The following WTIP variants were observed in gnomAD, a reference collection of about 807,000 sequenced individuals.
WTIP encodes the protein WT1 interacting protein, also known as Wilms tumor protein 1-interacting protein.
WTIP carries 23 observed loss-of-function variants against 41.7 expected under a neutral mutation model. That is an observed-to-expected ratio of 0.55 (90% CI 0.40 to 0.78). WTIP has a LOEUF of 0.78. Among genes scored for constraint, WTIP ranks in the 30% least tolerant of loss-of-function variants. The pLI, the probability that WTIP is intolerant of heterozygous loss-of-function variation, is 0.00. For synonymous variants in WTIP, 314 were observed against 269.9 expected (o/e 1.16, Z -1.60); for missense variants, 619 against 610.5 (o/e 1.01, Z -0.15).
intron 1 of WTIP, among the ~76,000 whole-genome samples, chr19:34,483,030 G>A (rs2075778093): frequency 7.2e-6 from 1 of 138,266 alleles, no homozygotes; most frequent in Middle Eastern, 4.0e-3. Flanking sequence ...TTTGAGACAG[G>A]GTCTTCCTCT....
Position 34,482,008 on chromosome 19 carries a change from G to A in WTIP, c.34G>A (p.Ala12Thr). The A allele has an allele frequency of 9.8e-7, 1 of 1,020,120 alleles. No individual in the cohort carries two copies. Among genetic ancestry groups the A allele is most frequent in the South Asian group, 4.4e-5 (1 of 22,490 alleles). 63.2% of individuals were successfully genotyped at this position (1,020,120 alleles called of 1,614,324 possible). The change falls in exon 1 of 8, where the codon GCC (alanine) becomes ACC (threonine). Residue 12 changes from alanine to threonine, a missense_variant. Ala to Thr is a moderately conservative substitution (Grantham distance 58). This residue lies in a region of WTIP where 363 missense variants were observed against 309.0 expected (regional missense o/e 1.17). Coordinates refer to ENST00000590071, the MANE Select transcript of WTIP (RefSeq NM_001080436.2). The stretch of plus-strand genomic sequence containing the variant: ...CTCCAGGGCGGGCGCGGACGAGGCG[G>A]CCCTACTCCTGGCCGGGCTGGCCCT... ...QRSRAGADEAALLLAGLALRE... is the reference protein window; with the variant it reads ...QRSRAGADEATLLLAGLALRE...
chr19:34,499,381 G>A (rs906146871), intron 7 of WTIP, among the ~76,000 whole-genome samples: 2 of 151,748 alleles, frequency 1.3e-5, no homozygotes, highest in African/African-American at 2.4e-5. Flanking sequence ...GGCAGGGTGC[G>A]CCAGTGGTCC....
In WTIP at chr19:34,500,647, CCCTCCCCCCCGACCCCGA is replaced by C. The variant is rs1325921829; in HGVS notation, c.*383_*400del. 5.3e-6 allele frequency: 1 copy of C among 189,392 alleles called. No homozygotes were observed. The highest frequency in any genetic ancestry group is 1.3e-4 in the East Asian group (1 of 7,728). The allele number at this position is 189,392 out of a possible 1,614,324, so 11.7% of individuals were successfully genotyped here. On this transcript the variant is annotated 3_prime_UTR_variant, in exon 8 of 8. Transcript: ENST00000590071. ...CTGTTGTTCAGGGGCCTGGCCCCCG[CCCTCCCCCCCGACCCCGA>C]CCTCGCAAAGCGCACTCCCGGGCAG...
Position 34,481,835 on chromosome 19 carries a change from C to T in WTIP, c.-140C>T, listed in dbSNP as rs2075767350. 6.6e-6 allele frequency: 2 copies of T among 304,430 alleles called. No homozygotes were observed. Among genetic ancestry groups the T allele is most frequent in the South Asian group, 1.2e-4 (1 of 8,162 alleles). 18.9% of individuals were successfully genotyped at this position (304,430 alleles called of 1,614,324 possible). On this transcript the variant is annotated 5_prime_UTR_variant, in exon 1 of 8. Coordinates refer to ENST00000590071, the MANE Select transcript of WTIP (RefSeq NM_001080436.2). ...GCGTGGCCGCCGGAACGACCCCGGC[C>T]CGGCGCCGGCCCCGCCCCGCCCCGC...
Position 34,500,433 on chromosome 19 carries a change from G to A in WTIP, c.*164G>A, listed in dbSNP as rs1287196714. On this transcript the variant is annotated 3_prime_UTR_variant, in exon 8 of 8. Coordinates refer to ENST00000590071, the MANE Select transcript of WTIP (RefSeq NM_001080436.2). The stretch of plus-strand genomic sequence containing the variant: ...GCGTGGAAGCTTCTATTTATTCACC[G>A]TCTGTGCCTGCTCAAGTCACTTCCC... 9.8e-7 allele frequency: 1 copy of A among 1,016,220 alleles called. No homozygotes were observed. Among genetic ancestry groups the A allele is most frequent in the Non-Finnish European group, 1.4e-6 (1 of 731,276 alleles). The allele number at this position is 1,016,220 out of a possible 1,614,324, so 63.0% of individuals were successfully genotyped here. A position where few individuals can be genotyped will look rare whatever the true frequency, so the allele number is the denominator to read the frequency against.
At chr19:34,484,075 C>T (rs955030963) in intron 1 of WTIP, among the ~76,000 whole-genome samples, 1 of 151,888 alleles carries the variant, frequency 6.6e-6, no homozygotes, top group African/African-American at 2.4e-5. Flanking sequence ...TACAGGCATG[C>T]GCCACCACGC....
intron 1 of WTIP, among the ~76,000 whole-genome samples, chr19:34,487,595 A>G (rs1470990631): frequency 6.6e-6 from 1 of 152,202 alleles, no homozygotes; most frequent in Non-Finnish European, 1.5e-5. Flanking sequence ...ATCAGAATGG[A>G]AAGTCCATAG....
chr19:34,493,617 T>C lies in WTIP; in HGVS notation c.1026T>C (p.Tyr342=), dbSNP rs754621168. The C allele has an allele frequency of 6.2e-7, 1 of 1,613,234 alleles. No homozygotes were observed. Among genetic ancestry groups the C allele is most frequent in the Non-Finnish European group, 8.5e-7 (1 of 1,179,892 alleles). The change falls in exon 5 of 8, where the codon TAT becomes TAC. Residue 342 remains tyrosine, a synonymous_variant. Transcript: ENST00000590071. The surrounding 1 kb of genome is among the most constrained non-coding windows in gnomAD (Gnocchi z 4.1). ...ACAACATCTACTGCGTGCGAGACTATCACACGTGAGTTGCTGGTGCTGTGG... is the reference window on the plus strand; with the variant it reads ...ACAACATCTACTGCGTGCGAGACTACCACACGTGAGTTGCTGGTGCTGTGG... ...VENNIYCVRD[Y]HTVFAPKCAS...
chr19:34,483,424 A>G (rs1003200058), intron 1 of WTIP, among the ~76,000 whole-genome samples: 1 of 152,014 alleles, frequency 6.6e-6, no homozygotes, highest in African/African-American at 2.4e-5. Flanking sequence ...CCGCCACGGT[A>G]TGGGTGTGGA....
At chr19:34,489,212 A>AAAAAG (rs1317094411) in intron 1 of WTIP, among the ~76,000 whole-genome samples, 1 of 150,852 alleles carries the variant, frequency 6.6e-6, no homozygotes, top group African/African-American at 2.4e-5. Flanking sequence ...AAAAAAAAAA[A>AAAAAG]AAAAAAAAAT....
rs1355073188 is a variant in WTIP at position 34,503,075 on chromosome 19, A to G, written c.*2806A>G. 3 of 153,122 alleles carry G rather than the reference A, an allele frequency of 2.0e-5. No homozygotes were observed. The highest frequency in any genetic ancestry group is 7.2e-5 in the African/African-American group (3 of 41,466). The allele number at this position is 153,122 out of a possible 1,614,324, so 9.5% of individuals were successfully genotyped here. On this transcript the variant is annotated 3_prime_UTR_variant, in exon 8 of 8. Coordinates refer to ENST00000590071, the MANE Select transcript of WTIP (RefSeq NM_001080436.2). ...CCCGGTCACCATGCACGCTCCTGCC[A>G]GCTGGCCTGAGTCATCACAGCTTGG...
Position 34,483,183 on chromosome 19 carries a change from CTTTTT to C in WTIP, c.667+559_667+563del, listed in dbSNP as rs10611262. On this transcript the variant is annotated intron_variant, in intron 1 of 7. Transcript: ENST00000590071. ...CCATGCCCAGCTTTTCTTCTTCTTA[CTTTTT>C]TTTTTTTTTTTTTTTTGTAGAGACA... is the stretch of plus-strand genomic sequence containing the variant. 8.8e-5 allele frequency among the ~76,000 whole-genome samples: 9 copies of C among 102,588 alleles called. No homozygotes were observed. In the South Asian group the frequency reaches 1.3e-3, roughly 14 times the overall value. 67.3% of individuals were successfully genotyped at this position (102,588 alleles called of 152,430 possible).
At position 34,495,706 on chromosome 19, in the gene WTIP, T is replaced by C. The variant is rs571681317; in HGVS notation, c.1087T>C (p.Cys363Arg). 1 of 1,613,880 alleles carries C rather than the reference T, an allele frequency of 6.2e-7. No homozygotes were observed. The highest frequency in any genetic ancestry group is 1.3e-5 in the African/African-American group (1 of 75,056). Residue 363 changes from cysteine to arginine, a missense_variant, in exon 7 of 8, where the codon TGC becomes CGC. Cys to Arg is a radical substitution (Grantham distance 180, BLOSUM62 -3). This residue lies in a region of WTIP where 164 missense variants were observed against 219.1 expected (regional missense o/e 0.75). Transcript: ENST00000590071. ...TGAACTCCTTCTCTTCCTCCAGGGC[T>C]GCGAGACAACCATCCGTGTGGTGTC... ...CARPILPAQG[C>R]ETTIRVVSMD...
At chr19:34,497,274 C>T (rs2075859867) in intron 7 of WTIP, among the ~76,000 whole-genome samples, 1 of 152,190 alleles carries the variant, frequency 6.6e-6, no homozygotes, top group Admixed American at 6.5e-5. Context: ...TCCAGGCAGT[C>T]AGTCGGGTGT....
In WTIP at chr19:34,482,538, C is replaced by A; in HGVS notation, c.564C>A (p.Pro188=). 1 of 1,228,156 alleles carries A rather than the reference C, an allele frequency of 8.1e-7. No homozygotes were observed. 76.1% of individuals were successfully genotyped at this position (1,228,156 alleles called of 1,614,324 possible). Residue 188 remains proline, a synonymous_variant, in exon 1 of 8, where the codon CCC becomes CCA. Coordinates refer to ENST00000590071, the MANE Select transcript of WTIP (RefSeq NM_001080436.2). Reference sequence around the variant, plus strand: ...TCCCGCTGCCTGCACTCCCGCTGCCCCCTGGCCGGGAGGGCGGCCCAAGCG... The same window carrying A: ...TCCCGCTGCCTGCACTCCCGCTGCCACCTGGCCGGGAGGGCGGCCCAAGCG... ...APFPLPALPL[P]PGREGGPSAA...
rs2145621182 is a variant in WTIP at position 34,510,065 on chromosome 19, T to A, written c.*9796T>A. 1 of 152,384 alleles carries A rather than the reference T, an allele frequency of 6.6e-6. No homozygotes were observed. The highest frequency in any genetic ancestry group is 2.4e-5 in the African/African-American group (1 of 41,582). 9.4% of individuals were successfully genotyped at this position (152,384 alleles called of 1,614,324 possible). A position where few individuals can be genotyped will look rare whatever the true frequency, so the allele number is the denominator to read the frequency against. ...ACCTTGTACAAGCTGTCAGTGTATC[T>A]ACCATTCTGATGTTTGGAGGATGGT... On this transcript the variant is annotated 3_prime_UTR_variant, in exon 8 of 8. Coordinates refer to ENST00000590071, the MANE Select transcript of WTIP (RefSeq NM_001080436.2).
In WTIP at chr19:34,505,451, G is replaced by A. The variant is rs1450170072; in HGVS notation, c.*5182G>A. 6.6e-6 allele frequency: 1 copy of A among 152,288 alleles called. No individual in the cohort carries two copies. The highest frequency in any genetic ancestry group is 2.4e-5 in the African/African-American group (1 of 41,428). The allele number at this position is 152,288 out of a possible 1,614,324, so 9.4% of individuals were successfully genotyped here. On this transcript the variant is annotated 3_prime_UTR_variant, in exon 8 of 8. Coordinates refer to ENST00000590071, the MANE Select transcript of WTIP (RefSeq NM_001080436.2). ...ATTCCCCAGGGATGCCAGCCCCCCT[G>A]TGGGCCCTCAGGACTGGTAGCCCTG...
In WTIP at chr19:34,504,013, G is replaced by A. The variant is rs2075900521; in HGVS notation, c.*3744G>A. 6.6e-6 allele frequency: 1 copy of A among 152,566 alleles called. No homozygotes were observed. The highest frequency in any genetic ancestry group is 6.5e-5 in the Admixed American group (1 of 15,274). 9.5% of individuals were successfully genotyped at this position (152,566 alleles called of 1,614,324 possible). On this transcript the variant is annotated 3_prime_UTR_variant, in exon 8 of 8. Coordinates refer to ENST00000590071, the MANE Select transcript of WTIP (RefSeq NM_001080436.2). Reference sequence around the variant, plus strand: ...CCTGTGTGCGTGTGTGTGTGCATGTGTGTGTGTGTGAGAGAGAGACAGGGA... The same window carrying A: ...CCTGTGTGCGTGTGTGTGTGCATGTATGTGTGTGTGAGAGAGAGACAGGGA...
chr19:34,500,302 G>T lies in WTIP; in HGVS notation c.*33G>T, dbSNP rs759630146. 5.1e-6 allele frequency: 8 copies of T among 1,567,538 alleles called. No individual in the cohort carries two copies. Among genetic ancestry groups the T allele is most frequent in the Admixed American group, 1.8e-5 (1 of 56,068 alleles). On this transcript the variant is annotated 3_prime_UTR_variant, in exon 8 of 8. Coordinates refer to ENST00000590071, the MANE Select transcript of WTIP (RefSeq NM_001080436.2). ...AAAACCCGTCCCTGGGCCGGGGTGG[G>T]TGTGGGTGTGGAGGGAGGGCCCGCG...
Sources: allele counts gnomAD v4.1 joint callset (sites outside exome capture counted in the v4.1 genomes callset), GRCh38; gene constraint gnomAD v4.1.1; regional missense constraint gnomAD v4.1.1; non-coding constraint Gnocchi (gnomAD v3.1); transcripts MANE v1.5; gene names NCBI Gene and HGNC (gene_info 2026-07-23, HGNC 2026-07-21).